MYO16: variants seen among roughly 807,000 people sequenced by gnomAD.
MYO16 encodes unconventional myosin-XVI.
Under a neutral mutation model 205.3 loss-of-function variants are expected in MYO16, and 94 were observed. The ratio of observed to expected loss-of-function variants is 0.46; its 90% CI spans 0.39 to 0.54. The LOEUF is 0.54. MYO16 is among the 20% of genes least tolerant of loss of function. The pLI is 0.00. For missense variants in MYO16, 2,315 were observed against 2,387.5 expected (o/e 0.97, Z 0.63); for synonymous variants, 988 against 954.0 (o/e 1.04, Z -0.66).
rs1879122460 is a variant in MYO16, at chr13:109,175,398, CA to C, written c.5324-4143del. On this transcript the variant is annotated intron_variant, in intron 33 of 34. Coordinates refer to ENST00000457511, the MANE Select transcript of MYO16 (RefSeq NM_001198950.3). ...AGCAGGTTCTATGGAGTGTCCACAG[CA>C]TATCCATTATGCCATGGAGATCAGC... 2.0e-5 allele frequency among the ~76,000 whole-genome samples: 3 copies of C among 152,304 alleles called. No homozygotes were observed. The South Asian group carries it at 6.2e-4, about 32-fold the overall frequency.
At chr13:108,686,799 C>G (rs1451373245) in intron 2 of MYO16, among the ~76,000 whole-genome samples, 1 of 152,188 alleles carries the variant, frequency 6.6e-6, no homozygotes, top group Non-Finnish European at 1.5e-5. Context: ...GTTCAGCGGC[C>G]TGAGGACAAT....
rs890666127 is a variant in MYO16, at chr13:109,173,633, C to T, written c.5324-5909C>T. On this transcript the variant is annotated intron_variant, in intron 33 of 34. Transcript: ENST00000457511. ...TGTCTCGGCCGGGCGCGGTGGCTCA[C>T]GCCTGTAACCCCAGCACTTTGGGAG... Among the ~76,000 whole-genome samples, 6 of 152,132 alleles carry T rather than the reference C, an allele frequency of 3.9e-5. No homozygotes were observed. The East Asian group carries it at 5.8e-4, about 15-fold the overall frequency.
At chr13:108,798,927 G>A (rs1212078178) in intron 6 of MYO16, among the ~76,000 whole-genome samples, 1 of 143,572 alleles carries the variant, frequency 7.0e-6, no homozygotes, top group East Asian at 2.1e-4. Context: ...GGATGGTCTC[G>A]ATCTCCCGAC....
At chr13:108,703,412 C>G (rs1566560006) in intron 2 of MYO16, among the ~76,000 whole-genome samples, 1 of 151,996 alleles carries the variant, frequency 6.6e-6, no homozygotes, top group Non-Finnish European at 1.5e-5. Flanking sequence ...CAACAGGGTT[C>G]CAAAATACAT....
chr13:109,094,519 C>G (rs1358540466), intron 27 of MYO16, among the ~76,000 whole-genome samples: 63 of 152,144 alleles, frequency 4.1e-4, no homozygotes, highest in Admixed American at 4.1e-3. Context: ...CCCTTATTTA[C>G]TTTTCTTTAA....
upstream of MYO16, among the ~76,000 whole-genome samples, chr13:108,625,372 G>C (rs1255463348): frequency 6.6e-6 from 1 of 152,150 alleles, no homozygotes; most frequent in Non-Finnish European, 1.5e-5. Context: ...CTTGATCCTG[G>C]TCCTGAGGCA....
the MYO16 span, among the ~76,000 whole-genome samples, chr13:108,585,988 T>C: frequency 1.3e-5 from 2 of 151,972 alleles, no homozygotes; most frequent in Admixed American, 6.6e-5. Context: ...TAAACTAAGA[T>C]GGATGAATTA....
intron 3 of MYO16, 121 bp from the exon 4 acceptor site, chr13:108,727,319 T>C: frequency 1.1e-6 from 1 of 952,204 alleles, no homozygotes; most frequent in South Asian, 1.7e-5. Flanking sequence ...TTTCCCAGGT[T>C]AGCTTCACCT....
intron 12 of MYO16, among the ~76,000 whole-genome samples, chr13:108,882,326 G>A (rs974897741): frequency 6.6e-5 from 10 of 152,258 alleles, no homozygotes; most frequent in East Asian, 1.9e-4. Flanking sequence ...AGCGCTGCAC[G>A]TTGCATTTTG....
intron 25 of MYO16, among the ~76,000 whole-genome samples, chr13:109,054,677 G>A (rs12430811): frequency 2.0e-5 from 3 of 152,040 alleles, no homozygotes; most frequent in African/African-American, 7.2e-5. Flanking sequence ...GGCAGTAACA[G>A]TTGTTATTTT....
intron 16 of MYO16, among the ~76,000 whole-genome samples, chr13:108,953,877 G>A (rs188097961): frequency 5.9e-5 from 9 of 151,914 alleles, no homozygotes; most frequent in South Asian, 4.2e-4. Flanking sequence ...TTTTTTCTTC[G>A]TCTTTATGAC....
chr13:108,634,476 A>C (rs1880133077), intron 1 of MYO16, among the ~76,000 whole-genome samples: 1 of 152,054 alleles, frequency 6.6e-6, no homozygotes, highest in Admixed American at 6.6e-5. Flanking sequence ...CCAATTAAGC[A>C]AAAGTCCCCC....
chr13:108,559,618 C>T, the MYO16 span, among the ~76,000 whole-genome samples: 36 of 151,630 alleles, frequency 2.4e-4, no homozygotes, highest in African/African-American at 8.2e-4. Flanking sequence ...GGACTACAGG[C>T]ACCCGCCACC....
intron 6 of MYO16, among the ~76,000 whole-genome samples, chr13:108,796,261 GA>G (rs1354047510): frequency 6.6e-6 from 1 of 152,204 alleles, no homozygotes. Flanking sequence ...GACTGAACAG[GA>G]AACAACAGGT....
chr13:108,615,881 G>T (rs564738349), intron 1 of MYO16, among the ~76,000 whole-genome samples: 1 of 152,054 alleles, frequency 6.6e-6, no homozygotes, highest in Non-Finnish European at 1.5e-5. Context: ...AGTGAAATAC[G>T]CATATTTTTC....
intron 22 of MYO16, among the ~76,000 whole-genome samples, chr13:109,009,735 T>C (rs1358666359): frequency 6.6e-6 from 1 of 152,250 alleles, no homozygotes; most frequent in Non-Finnish European, 1.5e-5. Flanking sequence ...TGTCATTCTT[T>C]ACTCTCTTTC....
At chr13:109,074,159 A>C (rs1888014402) in intron 27 of MYO16, among the ~76,000 whole-genome samples, 1 of 152,162 alleles carries the variant, frequency 6.6e-6, no homozygotes, top group South Asian at 2.1e-4. Context: ...GTTTTTGGTA[A>C]AGAAAAAAAT....
intron 16 of MYO16, among the ~76,000 whole-genome samples, chr13:108,943,333 A>G (rs1882805345): frequency 6.6e-6 from 1 of 152,242 alleles, no homozygotes; most frequent in African/African-American, 2.4e-5. Flanking sequence ...GAGTTATGTA[A>G]CATTTCATTA....
At chr13:108,840,270 A>C (rs1877173687) in intron 9 of MYO16, among the ~76,000 whole-genome samples, 1 of 152,102 alleles carries the variant, frequency 6.6e-6, no homozygotes, top group Admixed American at 6.5e-5. Context: ...CATTTCTGTA[A>C]ATTTATTTCT....
Sources: gnomAD v4.1 joint callset for allele counts (sites outside exome capture counted in the v4.1 genomes callset) on GRCh38, gnomAD v4.1.1 for gene constraint, MANE v1.5 for transcripts, NCBI Gene and HGNC (gene_info 2026-07-23, HGNC 2026-07-21) for gene names.